Variants in CCBE1 observed in about 807,000 individuals in gnomAD.
CCBE1 encodes collagen and calcium binding EGF domains 1.
Under a neutral mutation model 50.0 loss-of-function variants are expected in CCBE1, and 37 were observed. The ratio of observed to expected loss-of-function variants is 0.74; its 90% CI spans 0.57 to 0.97. The LOEUF is 0.97. CCBE1 is among the 50% of genes least tolerant of loss of function. The pLI is 0.00. For synonymous variants in CCBE1, 234 were observed against 203.7 expected (o/e 1.15, Z -1.27); for missense variants, 538 against 523.8 (o/e 1.03, Z -0.26).
chr18:59,574,107 G>A (rs1457962750), intron 2 of CCBE1, among the ~76,000 whole-genome samples: 1 of 152,180 alleles, frequency 6.6e-6, no homozygotes. Context: ...CAGGTGCCCA[G>A]TAACTCCTGA....
At chr18:59,543,118 C>T (rs1012455752) in intron 2 of CCBE1, among the ~76,000 whole-genome samples, 1 of 151,930 alleles carries the variant, frequency 6.6e-6, no homozygotes, top group African/African-American at 2.4e-5. Context: ...CAATGCTTTC[C>T]ATATTTTACA....
chr18:59,525,026 G>T (rs375979395), intron 2 of CCBE1, among the ~76,000 whole-genome samples: 25 of 152,166 alleles, frequency 1.6e-4, no homozygotes, highest in African/African-American at 6.0e-4. Context: ...GAATGGTGCT[G>T]TAATGAACAT....
chr18:59,523,882 T>C lies in CCBE1; in HGVS notation c.213-43644A>G, dbSNP rs577117832. ...CTTCTGCATTGGTGATGTGATACTA[T>C]GATAAGCCCTAAGATATTTGTACTT... On this transcript the variant is annotated intron_variant, in intron 2 of 10. Transcript: ENST00000439986. Among the ~76,000 whole-genome samples, 63 of 152,320 alleles carry C rather than the reference T, an allele frequency of 4.1e-4. 1 individual carries two copies. Among genetic ancestry groups the C allele is most frequent in the African/African-American group, 1.4e-3 (57 of 41,570 alleles).
At chr18:59,544,067 T>G (rs1915589246) in intron 2 of CCBE1, among the ~76,000 whole-genome samples, 1 of 152,232 alleles carries the variant, frequency 6.6e-6, no homozygotes, top group African/African-American at 2.4e-5. Context: ...AAGTGCTCTA[T>G]TTAAATTTTA....
rs533403389 is a variant in CCBE1 at position 59,692,143 on chromosome 18, A to G, written c.212+4486T>C. The stretch of plus-strand genomic sequence containing the variant: ...TCAAATTGCTCTTTCAAAAAGATGA[A>G]GTTCATACGACTCACAAAATTCAAC... On this transcript the variant is annotated intron_variant, in intron 2 of 10. Transcript: ENST00000439986. 7.8e-4 allele frequency among the ~76,000 whole-genome samples: 119 copies of G among 152,336 alleles called. 1 individual carries two copies. The highest frequency in any genetic ancestry group is 1.3e-3 in the Non-Finnish European group (87 of 68,028).
chr18:59,559,630 T>C (rs1036931718), intron 2 of CCBE1, among the ~76,000 whole-genome samples: 1 of 152,220 alleles, frequency 6.6e-6, no homozygotes, highest in African/African-American at 2.4e-5. Flanking sequence ...CCAAGGTCCT[T>C]GGCTTGGGGG....
At chr18:59,654,166 C>T (rs1162300440) in intron 2 of CCBE1, among the ~76,000 whole-genome samples, 1 of 152,172 alleles carries the variant, frequency 6.6e-6, no homozygotes, top group Non-Finnish European at 1.5e-5. Context: ...ATTGCCTATC[C>T]AGGACTTTTT....
chr18:59,585,045 A>G (rs187564448), intron 2 of CCBE1, among the ~76,000 whole-genome samples: 20 of 152,192 alleles, frequency 1.3e-4, no homozygotes, highest in African/African-American at 4.6e-4. Context: ...TGCAAGACGC[A>G]CCATGGCTCA....
At chr18:59,606,534 C>T (rs927426203) in intron 2 of CCBE1, among the ~76,000 whole-genome samples, 6 of 152,118 alleles carry the variant, frequency 3.9e-5, no homozygotes, top group Admixed American at 2.0e-4. Flanking sequence ...AGATAACATC[C>T]CGTCCGTATG....
chr18:59,630,399 C>T (rs1202969922), intron 2 of CCBE1, among the ~76,000 whole-genome samples: 3 of 152,140 alleles, frequency 2.0e-5, no homozygotes, highest in Non-Finnish European at 2.9e-5. Context: ...GGTGTTGAAG[C>T]ACTGGCAATT....
chr18:59,493,545 CTT>C (rs56316631), intron 2 of CCBE1, among the ~76,000 whole-genome samples: 69 of 149,340 alleles, frequency 4.6e-4, no homozygotes, highest in African/African-American at 1.6e-3. Context: ...CTCATAAAAA[CTT>C]TTTTTTTTTT....
intron 2 of CCBE1, among the ~76,000 whole-genome samples, chr18:59,614,593 G>T (rs758067456): frequency 1.3e-5 from 2 of 152,148 alleles, no homozygotes; most frequent in Non-Finnish European, 2.9e-5. Flanking sequence ...ATGCTATGGC[G>T]GCTAGTCAAT....
At chr18:59,671,842 T>C (rs897492930) in intron 2 of CCBE1, among the ~76,000 whole-genome samples, 1 of 151,918 alleles carries the variant, frequency 6.6e-6, no homozygotes, top group South Asian at 2.1e-4. Flanking sequence ...AGTCAGTATT[T>C]ACTCCTAGAG....
At chr18:59,661,194 C>T (rs1259655978) in intron 2 of CCBE1, among the ~76,000 whole-genome samples, 2 of 151,960 alleles carry the variant, frequency 1.3e-5, no homozygotes, top group Non-Finnish European at 1.5e-5. Flanking sequence ...TGGAGACCAA[C>T]AACACAGTAA....
intron 2 of CCBE1, among the ~76,000 whole-genome samples, chr18:59,584,366 G>T (rs2144518822): frequency 8.1e-6 from 1 of 122,706 alleles, no homozygotes; most frequent in East Asian, 3.0e-4. Flanking sequence ...CGGGGGAGGG[G>T]GGAGGGATAG....
At chr18:59,558,596 C>G (rs150487136) in intron 2 of CCBE1, among the ~76,000 whole-genome samples, 30 of 152,336 alleles carry the variant, frequency 2.0e-4, no homozygotes, top group Non-Finnish European at 3.7e-4. Flanking sequence ...AACTGCCCTG[C>G]TGATGCTGTA....
At chr18:59,464,430 T>C (rs951669949) in intron 5 of CCBE1, among the ~76,000 whole-genome samples, 5 of 152,170 alleles carry the variant, frequency 3.3e-5, no homozygotes, top group African/African-American at 1.2e-4. Flanking sequence ...AGCAAGACTC[T>C]GTCTCAAAAA....
chr18:59,697,184 G>A (rs755103730), intron 1 of CCBE1, 28 bp downstream of exon 1: 46 of 1,547,558 alleles, frequency 3.0e-5, no homozygotes, highest in Non-Finnish European at 3.4e-5. Context: ...GCAGGAGCTC[G>A]CCCTCCGCTG....
chr18:59,540,241 T>C (rs958953480), intron 2 of CCBE1, among the ~76,000 whole-genome samples: 2 of 152,132 alleles, frequency 1.3e-5, no homozygotes, highest in Non-Finnish European at 2.9e-5. Context: ...ACATTAGACT[T>C]TTTTTTGTTG....
Sources: gnomAD v4.1 joint callset for allele counts (sites outside exome capture counted in the v4.1 genomes callset) on GRCh38, gnomAD v4.1.1 for gene constraint, MANE v1.5 for transcripts, NCBI Gene and HGNC (gene_info 2026-07-23, HGNC 2026-07-21) for gene names.